Variants in PARP15 observed in about 807,000 individuals in gnomAD.
PARP15 encodes protein mono-ADP-ribosyltransferase PARP15.
In PARP15, 50 loss-of-function variants were observed where a neutral mutation model predicts 62.1. The ratio of observed to expected loss-of-function variants is 0.81; its 90% CI spans 0.64 to 1.02. PARP15 has a LOEUF of 1.02. Ranked by LOEUF, PARP15 falls within the 50% of genes least tolerant of loss-of-function variation. The probability of loss-of-function intolerance (pLI) is 0.00; values close to 1 mark genes in which losing one functional copy is unlikely to be tolerated. For missense variants in PARP15, 820 were observed against 826.5 expected (o/e 0.99, Z 0.10); for synonymous variants, 309 against 293.1 (o/e 1.05, Z -0.55).
chr3:122,632,084 AG>A lies in PARP15; in HGVS notation c.1439del, dbSNP rs766261899. The A allele has an allele frequency of 6.2e-7, 1 of 1,614,048 alleles. No individual in the cohort carries two copies. The highest frequency in any genetic ancestry group is 1.1e-5 in the South Asian group (1 of 91,078). ...TGTTTTGACCAAATGCTGACTTTCCAGGTAATCTTCCTGAACACTGGACTGA... is the reference window on the plus strand; with the variant it reads ...TGTTTTGACCAAATGCTGACTTTCCAGTAATCTTCCTGAACACTGGACTGA... On this transcript the variant is annotated splice_acceptor_variant, in intron 9 of 11. Transcript: ENST00000464300. LOFTEE classifies it high-confidence loss of function.
intron 10 of PARP15, among the ~76,000 whole-genome samples, chr3:122,634,540 A>G (rs1411193064): frequency 1.3e-5 from 2 of 152,224 alleles, no homozygotes; most frequent in Admixed American, 6.6e-5. Context: ...AAAAATAGTC[A>G]TAAGATTAGG....
intron 6 of PARP15, 90 bp from the exon 7 acceptor site, chr3:122,619,691 G>A: frequency 2.7e-6 from 3 of 1,115,654 alleles, no homozygotes; most frequent in Non-Finnish European, 4.1e-6. Flanking sequence ...TGCACAAAAG[G>A]GTGAGTTGAG....
At chr3:122,605,854 TAC>T in intron 1 of PARP15, 80 bp from the exon 2 acceptor site, 1 of 1,434,944 alleles carries the variant, frequency 7.0e-7, no homozygotes. Context: ...GTGCTGAGAT[TAC>T]AGACCTGAGC....
intron 9 of PARP15, among the ~76,000 whole-genome samples, chr3:122,631,666 G>A (rs1937067981): frequency 6.6e-6 from 1 of 152,176 alleles, no homozygotes; most frequent in Non-Finnish European, 1.5e-5. Context: ...AGAACAATGT[G>A]CTTTAAATGT....
chr3:122,588,284 C>A (rs1311478056), intron 1 of PARP15, among the ~76,000 whole-genome samples: 1 of 151,472 alleles, frequency 6.6e-6, no homozygotes. Flanking sequence ...TTATTTTTGC[C>A]ATTAAAATTA....
Position 122,620,964 on chromosome 3 carries a change from C to T in PARP15, c.1064-480C>T, listed in dbSNP as rs115380645. 4.5e-3 allele frequency among the ~76,000 whole-genome samples: 679 copies of T among 152,272 alleles called. 7 individuals carry two copies. The highest frequency in any genetic ancestry group is 0.015 in the African/African-American group (632 of 41,550). ...AGGAGAAGTTTTCATCCTTTCACACCTCTGTGCCACAGAGTACGTTGCTTT... is the reference window on the plus strand; with the variant it reads ...AGGAGAAGTTTTCATCCTTTCACACTTCTGTGCCACAGAGTACGTTGCTTT... On this transcript the variant is annotated intron_variant, in intron 7 of 11. Coordinates refer to ENST00000464300, the MANE Select transcript of PARP15 (RefSeq NM_001113523.3).
rs1935499414 is a variant in PARP15, at chr3:122,610,670, C to T, written c.483C>T (p.Cys161=). The T allele has an allele frequency of 1.3e-6, 2 of 1,550,036 alleles. No individual in the cohort carries two copies. Among genetic ancestry groups the T allele is most frequent in the African/African-American group, 1.4e-5 (1 of 73,010 alleles). Reference sequence around the variant, plus strand: ...TGACAAGCGGCTGCAATCTGGACTGCAAAGCTGTGCTCCATGCTGTGGCTC... The same window carrying T: ...TGACAAGCGGCTGCAATCTGGACTGTAAAGCTGTGCTCCATGCTGTGGCTC... ...IFMTSGCNLD[C]KAVLHAVAPY... is the part of the protein sequence containing the mutation. The change falls in exon 3 of 12, where the codon TGC becomes TGT. Residue 161 remains cysteine, a synonymous_variant. Coordinates refer to ENST00000464300, the MANE Select transcript of PARP15 (RefSeq NM_001113523.3).
At chr3:122,593,902 A>G (rs1242617704) in intron 1 of PARP15, among the ~76,000 whole-genome samples, 2 of 152,214 alleles carry the variant, frequency 1.3e-5, no homozygotes, top group Non-Finnish European at 2.9e-5. Flanking sequence ...GGAAATATGC[A>G]TAATTACTTC....
chr3:122,611,448 C>T (rs1411086808), intron 3 of PARP15, among the ~76,000 whole-genome samples: 1 of 151,890 alleles, frequency 6.6e-6, no homozygotes, highest in Non-Finnish European at 1.5e-5. Flanking sequence ...AAGTGATTCT[C>T]CTGCCTCAGC....
At chr3:122,619,430 A>G (rs1037011437) in intron 6 of PARP15, among the ~76,000 whole-genome samples, 1 of 152,248 alleles carries the variant, frequency 6.6e-6, no homozygotes, top group Non-Finnish European at 1.5e-5. Flanking sequence ...TTTGAGATCC[A>G]TGCTTCTCAG....
chr3:122,627,332 T>C (rs968619576), intron 9 of PARP15, among the ~76,000 whole-genome samples: 1 of 152,162 alleles, frequency 6.6e-6, no homozygotes, highest in Admixed American at 6.5e-5. Context: ...CCAATATTTA[T>C]TGATTGGTTG....
intron 1 of PARP15, among the ~76,000 whole-genome samples, chr3:122,586,637 T>C (rs1446193472): frequency 6.6e-6 from 1 of 152,218 alleles, no homozygotes; most frequent in Non-Finnish European, 1.5e-5. Flanking sequence ...TTTTAAAAAA[T>C]AGTCTTTAAT....
chr3:122,600,259 A>G (rs914241358), intron 1 of PARP15, among the ~76,000 whole-genome samples: 3 of 152,076 alleles, frequency 2.0e-5, no homozygotes. Context: ...AATATGGGAG[A>G]AAAAAGGCAA....
chr3:122,612,360 TTC>T (rs1208053150), intron 3 of PARP15, among the ~76,000 whole-genome samples: 1 of 151,456 alleles, frequency 6.6e-6, no homozygotes, highest in Non-Finnish European at 1.5e-5. Flanking sequence ...AGGCCCAATA[TTC>T]TCTCTCTTTT....
intron 2 of PARP15, among the ~76,000 whole-genome samples, chr3:122,608,213 CTTTTTT>C (rs71136576): frequency 0.014 from 1,589 of 113,898 alleles, 28 homozygotes; most frequent in African/African-American, 0.05. Flanking sequence ...TTTCTCTTTT[CTTTTTT>C]TTTTTTTTTT....
intron 1 of PARP15, among the ~76,000 whole-genome samples, chr3:122,579,997 A>ATATGTATG (rs1393066830): frequency 1.7e-4 from 9 of 54,440 alleles, no homozygotes; most frequent in African/African-American, 4.9e-4. Context: ...CAGCAACTAT[A>ATATGTATG]TGTATATATA....
chr3:122,598,780 C>G (rs1380813379), intron 1 of PARP15, among the ~76,000 whole-genome samples: 2 of 152,202 alleles, frequency 1.3e-5, no homozygotes, highest in Admixed American at 6.5e-5. Context: ...GGTACAGCTT[C>G]AAGACAGTCT....
At chr3:122,615,588 A>C (rs930494574) in intron 4 of PARP15, 191 bp from the exon 5 acceptor site, 3 of 1,299,268 alleles carry the variant, frequency 2.3e-6, no homozygotes, top group Non-Finnish European at 3.1e-6. Flanking sequence ...AAGTAAAGCA[A>C]ATCAGCACTG....
intron 8 of PARP15, among the ~76,000 whole-genome samples, chr3:122,624,189 C>T (rs939989325): frequency 2.6e-5 from 4 of 151,904 alleles, no homozygotes; most frequent in Admixed American, 1.3e-4. Context: ...TAAATGCTTA[C>T]TAGACGCAGT....
Sources: allele counts gnomAD v4.1 joint callset (sites outside exome capture counted in the v4.1 genomes callset), GRCh38; gene constraint gnomAD v4.1.1; transcripts MANE v1.5; gene names NCBI Gene and HGNC (gene_info 2026-07-23, HGNC 2026-07-21).